CATSPERB: variants seen among roughly 807,000 people sequenced by gnomAD.
CATSPERB encodes the protein catsper channel auxiliary subunit beta, also known as cation channel sperm-associated auxiliary subunit beta.
Under a neutral mutation model 128.3 loss-of-function variants are expected in CATSPERB, and 93 were observed. That is an observed-to-expected ratio of 0.72 (90% CI 0.61 to 0.86). The LOEUF (loss-of-function observed/expected upper bound fraction) is 0.86, where lower values mean the gene tolerates loss of function less well. CATSPERB is among the 40% of genes least tolerant of loss of function. The probability of loss-of-function intolerance (pLI) is 0.00; values close to 1 mark genes in which losing one functional copy is unlikely to be tolerated. For missense variants in CATSPERB, 1,153 were observed against 1,329.5 expected, an observed-to-expected ratio of 0.87 and a Z score of 2.06; for synonymous variants, 381 against 448.8, an observed-to-expected ratio of 0.85 and a Z score of 1.91.
chr14:91,586,787 G>A (rs1290920494), intron 26 of CATSPERB, among the ~76,000 whole-genome samples: 1 of 152,154 alleles, frequency 6.6e-6, no homozygotes, highest in African/African-American at 2.4e-5. Flanking sequence ...GAAAGCCTTT[G>A]AAATATTTAA....
intron 20 of CATSPERB, among the ~76,000 whole-genome samples, chr14:91,615,884 C>A (rs528668825): frequency 1.9e-5 from 1 of 52,284 alleles, no homozygotes; most frequent in Non-Finnish European, 4.2e-5. Flanking sequence ...ATACAGTTTT[C>A]CTTTTTTTTT....
chr14:91,655,618 A>T (rs1297955945), intron 15 of CATSPERB, among the ~76,000 whole-genome samples: 1 of 152,130 alleles, frequency 6.6e-6, no homozygotes, highest in African/African-American at 2.4e-5. Flanking sequence ...CTTGAAGACA[A>T]CCCACTTAAA....
chr14:91,621,767 A>G lies in CATSPERB; in HGVS notation c.2101T>C (p.Tyr701His), dbSNP rs1380423696. Reference protein sequence around the residue: ...MTFLKSTWFLYNFGQRNGRTW... With the variant: ...MTFLKSTWFLHNFGQRNGRTW... ...CGTCCATTCCTTTGCCCAAAGTTGT[A>G]TAAGAACCATGTGCTCTTTAGAAAG... is the stretch of plus-strand genomic sequence containing the variant. The change falls in exon 19 of 27, where the codon TAC becomes CAC. Residue 701 changes from tyrosine (Y) to histidine (H), a missense_variant. By Grantham distance (83) the Tyr-to-His change is moderately conservative (BLOSUM62 2). Transcript: ENST00000256343. The G allele has an allele frequency of 1.5e-5, 25 of 1,614,182 alleles. No homozygotes were observed. Among genetic ancestry groups the G allele is most frequent in the Non-Finnish European group, 1.9e-5 (22 of 1,180,032 alleles).
At chr14:91,604,988 T>C (rs1893674465) in intron 22 of CATSPERB, 5 of 1,167,626 alleles carry the variant, frequency 4.3e-6, no homozygotes, top group South Asian at 2.4e-5. Context: ...AAATCTATCA[T>C]TGAGTACAAA....
intron 22 of CATSPERB, among the ~76,000 whole-genome samples, chr14:91,597,352 A>C (rs1893525868): frequency 6.6e-6 from 1 of 152,204 alleles, no homozygotes; most frequent in South Asian, 2.1e-4. Context: ...TCATTATTTG[A>C]GTTGAGACTT....
chr14:91,681,173 A>G (rs756958782), intron 11 of CATSPERB, among the ~76,000 whole-genome samples: 27 of 152,292 alleles, frequency 1.8e-4, no homozygotes, highest in Non-Finnish European at 3.1e-4. Context: ...CCAACGTTTC[A>G]TCATGTCCCC....
chr14:91,594,119 C>T (rs1054565218), intron 22 of CATSPERB, among the ~76,000 whole-genome samples: 13 of 152,252 alleles, frequency 8.5e-5, no homozygotes, highest in Non-Finnish European at 1.5e-4. Flanking sequence ...AAATGTGGCA[C>T]ATATATACCA....
At chr14:91,593,898 T>C (rs552049391) in intron 22 of CATSPERB, among the ~76,000 whole-genome samples, 13 of 89,476 alleles carry the variant, frequency 1.5e-4, no homozygotes, top group East Asian at 1.5e-3. Context: ...GGGGAAGTCA[T>C]TGAATCATGG....
intron 17 of CATSPERB, chr14:91,635,408 C>T (rs1743129): frequency 0.79 from 120,526 of 151,888 alleles, 47,964 homozygotes; most frequent in East Asian, 0.92. Context: ...TGGAGTGCAA[C>T]GGCAATGGCA....
chr14:91,720,319 A>C lies in CATSPERB; in HGVS notation c.310-841T>G, dbSNP rs935477215. On this transcript the variant is annotated intron_variant, in intron 4 of 26. Transcript: ENST00000256343. ...GTCAACCAGAAATTTTATATTTGAC[A>C]AAACTATGCTTCAAAATTTCAGTTG... Among the ~76,000 whole-genome samples the C allele has an allele frequency of 4.0e-5, 6 of 151,778 alleles. No individual in the cohort carries two copies. In the South Asian group the frequency reaches 1.3e-3, roughly 32 times the overall value.
chr14:91,612,452 G>T (rs992540262), intron 20 of CATSPERB, among the ~76,000 whole-genome samples: 26 of 152,108 alleles, frequency 1.7e-4, no homozygotes, highest in Admixed American at 1.6e-3. Flanking sequence ...TACTTAGCCT[G>T]ATTGGTGTAC....
At chr14:91,668,720 G>A (rs547791201) in intron 14 of CATSPERB, among the ~76,000 whole-genome samples, 7 of 152,280 alleles carry the variant, frequency 4.6e-5, no homozygotes, top group African/African-American at 1.4e-4. Flanking sequence ...CCACCGGGAG[G>A]AACAAACAAC....
intron 15 of CATSPERB, among the ~76,000 whole-genome samples, chr14:91,653,577 T>C (rs994305393): frequency 3.9e-5 from 6 of 152,268 alleles, no homozygotes; most frequent in Non-Finnish European, 7.4e-5. Flanking sequence ...AGGCACTTCT[T>C]ACATGGTTGC....
intron 18 of CATSPERB, 124 bp from the exon 19 acceptor site, chr14:91,622,061 C>T: frequency 1.7e-6 from 1 of 588,992 alleles, no homozygotes; most frequent in South Asian, 3.4e-5. Context: ...CCAGAGAACA[C>T]AGTTGCCAAA....
chr14:91,695,184 C>T (rs571549803), intron 7 of CATSPERB, among the ~76,000 whole-genome samples: 2 of 147,014 alleles, frequency 1.4e-5, no homozygotes, highest in South Asian at 2.1e-4. Context: ...GGCTGGGGTG[C>T]AGTGGCGCAA....
chr14:91,684,136 A>G (rs1262056474), intron 10 of CATSPERB, among the ~76,000 whole-genome samples, 193 bp from the exon 11 acceptor site: 2 of 152,050 alleles, frequency 1.3e-5, no homozygotes, highest in African/African-American at 4.8e-5. Flanking sequence ...AACAATGCAC[A>G]AAAAAGGCAT....
intron 19 of CATSPERB, among the ~76,000 whole-genome samples, chr14:91,621,245 T>C (rs1894035983): frequency 6.6e-6 from 1 of 151,850 alleles, no homozygotes; most frequent in Non-Finnish European, 1.5e-5. Context: ...CTACTAAAAA[T>C]ACAAAAAACT....
chr14:91,672,702 A>G (rs557873929), intron 13 of CATSPERB, among the ~76,000 whole-genome samples, 165 bp downstream of exon 13: 3 of 152,368 alleles, frequency 2.0e-5, no homozygotes, highest in East Asian at 3.9e-4. Flanking sequence ...CAGGTGAGAA[A>G]TCTCTAAAGT....
intron 15 of CATSPERB, among the ~76,000 whole-genome samples, chr14:91,649,830 G>A (rs1894674908): frequency 6.6e-6 from 1 of 151,650 alleles, no homozygotes; most frequent in Non-Finnish European, 1.5e-5. Flanking sequence ...TTAAATTCTT[G>A]ATTATTTTAT....
Sources: allele counts gnomAD v4.1 joint callset (sites outside exome capture counted in the v4.1 genomes callset), GRCh38; gene constraint gnomAD v4.1.1; transcripts MANE v1.5; gene names NCBI Gene and HGNC (gene_info 2026-07-23, HGNC 2026-07-21).